The following PKP4 variants were observed in gnomAD, a reference collection of about 807,000 sequenced individuals.
PKP4 encodes plakophilin 4.
Under a neutral mutation model 145.1 loss-of-function variants are expected in PKP4, and 90 were observed. The observed-to-expected ratio is 0.62, with a 90% confidence interval of 0.52 to 0.74. The LOEUF is 0.74. Ranked by LOEUF, PKP4 falls within the 30% of genes least tolerant of loss-of-function variation. The probability of loss-of-function intolerance (pLI) is 0.00; values close to 1 mark genes in which losing one functional copy is unlikely to be tolerated. For synonymous variants in PKP4, 563 were observed against 577.2 expected, an observed-to-expected ratio of 0.98 and a Z score of 0.35; for missense variants, 1,340 against 1,482.7, an observed-to-expected ratio of 0.90 and a Z score of 1.58.
At chr2:158,473,532 T>C (rs1691943512) in intron 1 of PKP4, among the ~76,000 whole-genome samples, 1 of 152,176 alleles carries the variant, frequency 6.6e-6, no homozygotes, top group East Asian at 1.9e-4. Flanking sequence ...CTGGAGGCTA[T>C]TATCCTCAGG....
At chr2:158,609,630 T>G (rs1328451807) in intron 4 of PKP4, among the ~76,000 whole-genome samples, 2 of 152,238 alleles carry the variant, frequency 1.3e-5, no homozygotes, top group Non-Finnish European at 2.9e-5. Flanking sequence ...TTAGGAGCGA[T>G]CCCTGCTTAC....
intron 4 of PKP4, among the ~76,000 whole-genome samples, chr2:158,620,157 T>C (rs2052063158): frequency 1.3e-5 from 2 of 152,106 alleles, no homozygotes; most frequent in South Asian, 4.2e-4. Flanking sequence ...AAGGGTTAAA[T>C]GCAAGGAAGG....
chr2:158,465,420 C>CT (rs1264002599), intron 1 of PKP4, among the ~76,000 whole-genome samples: 1 of 152,146 alleles, frequency 6.6e-6, no homozygotes, highest in Non-Finnish European at 1.5e-5. Context: ...TCTTGAAACA[C>CT]TTTACCATAT....
In PKP4 at chr2:158,621,126, G is replaced by A; in HGVS notation, c.412+5G>A. On this transcript the variant is annotated splice_donor_5th_base_variant and intron_variant, in intron 5 of 21. Coordinates refer to ENST00000389759, the MANE Select transcript of PKP4 (RefSeq NM_003628.6). ...CATCTCTCCATGAAAGTGAGGGTCT[G>A]TTGTGTTATCTTTTAAGTACTGGAT... The A allele has an allele frequency of 1.2e-6, 2 of 1,614,132 alleles. No homozygotes were observed. The highest frequency in any genetic ancestry group is 1.7e-6 in the Non-Finnish European group (2 of 1,179,994).
intron 4 of PKP4, among the ~76,000 whole-genome samples, chr2:158,606,275 C>T (rs1394701565): frequency 6.6e-6 from 1 of 151,852 alleles, no homozygotes; most frequent in Non-Finnish European, 1.5e-5. Context: ...AGAGGCAGAG[C>T]CTGCAATGAG....
intron 1 of PKP4, among the ~76,000 whole-genome samples, chr2:158,511,240 G>C (rs889004841): frequency 6.6e-6 from 1 of 152,164 alleles, no homozygotes; most frequent in Non-Finnish European, 1.5e-5. Flanking sequence ...ACAAAAATTA[G>C]CTGGGCGTGG....
At chr2:158,523,137 A>C (rs939073443) in intron 1 of PKP4, among the ~76,000 whole-genome samples, 7 of 152,278 alleles carry the variant, frequency 4.6e-5, no homozygotes, top group South Asian at 2.1e-4. Context: ...CCACAGCTCA[A>C]GGAGGCCTGC....
intron 9 of PKP4, among the ~76,000 whole-genome samples, chr2:158,637,889 T>G (rs1263206653): frequency 2.0e-5 from 3 of 152,198 alleles, no homozygotes; most frequent in Non-Finnish European, 4.4e-5. Context: ...TTTTCGAGGG[T>G]AAATTTCTAC....
chr2:158,568,497 G>A (rs2047176051), intron 2 of PKP4, among the ~76,000 whole-genome samples: 1 of 152,166 alleles, frequency 6.6e-6, no homozygotes, highest in South Asian at 2.1e-4. Context: ...GAGGAGAGAG[G>A]TGTGTCTGGG....
chr2:158,562,151 T>C (rs1000086495), intron 2 of PKP4, among the ~76,000 whole-genome samples: 4 of 152,196 alleles, frequency 2.6e-5, no homozygotes, highest in Non-Finnish European at 4.4e-5. Context: ...TTTTAAGATA[T>C]GTTTTGTTGC....
intron 11 of PKP4, among the ~76,000 whole-genome samples, chr2:158,657,248 A>T (rs2056068086): frequency 6.6e-6 from 1 of 152,124 alleles, no homozygotes; most frequent in African/African-American, 2.4e-5. Flanking sequence ...ATCATCTCAA[A>T]TTTGCTCCAA....
At chr2:158,573,654 CAA>C (rs56145817) in intron 2 of PKP4, among the ~76,000 whole-genome samples, 77 of 128,070 alleles carry the variant, frequency 6.0e-4, no homozygotes, top group Admixed American at 6.3e-4. Flanking sequence ...AAATGGAAGC[CAA>C]AAAAAAAAAA....
At chr2:158,494,848 A>T (rs1412610585) in intron 1 of PKP4, among the ~76,000 whole-genome samples, 1 of 151,890 alleles carries the variant, frequency 6.6e-6, no homozygotes, top group Non-Finnish European at 1.5e-5. Flanking sequence ...CAAAAACTTT[A>T]ATGAGATGAA....
intron 1 of PKP4, among the ~76,000 whole-genome samples, chr2:158,501,643 A>G (rs756745606): frequency 7.4e-6 from 1 of 135,476 alleles, no homozygotes; most frequent in Admixed American, 8.0e-5. Context: ...CTCCCCTGCC[A>G]TGCCATCTGA....
At chr2:158,474,968 T>C (rs963991582) in intron 1 of PKP4, among the ~76,000 whole-genome samples, 1 of 152,240 alleles carries the variant, frequency 6.6e-6, no homozygotes, top group East Asian at 1.9e-4. Flanking sequence ...TTTTTACTAG[T>C]GTCCAGCATC....
chr2:158,534,360 T>C lies in PKP4; in HGVS notation c.132+1044T>C, dbSNP rs549828452. ...CAAGAAAAATTATTTCAGTTTATTC[T>C]AGTAACAAGATGTCAACATTTTTTT... On this transcript the variant is annotated intron_variant, in intron 2 of 21. Transcript: ENST00000389759. Among the ~76,000 whole-genome samples, 7 of 152,368 alleles carry C rather than the reference T, an allele frequency of 4.6e-5. No homozygotes were observed. The South Asian group carries it at 1.4e-3, about 32-fold the overall frequency.
intron 1 of PKP4, among the ~76,000 whole-genome samples, chr2:158,510,977 A>G (rs1006870739): frequency 8.5e-5 from 13 of 152,210 alleles, no homozygotes; most frequent in African/African-American, 3.1e-4. Flanking sequence ...GTGCAGCTCA[A>G]TTCCTGTTGT....
chr2:158,554,856 T>A (rs2045955879), intron 2 of PKP4, among the ~76,000 whole-genome samples: 2 of 152,056 alleles, frequency 1.3e-5, no homozygotes, highest in Admixed American at 1.3e-4. Context: ...TAGATAAAAA[T>A]CAAAATGCCA....
intron 2 of PKP4, among the ~76,000 whole-genome samples, chr2:158,540,055 A>T (rs972970769): frequency 1.3e-5 from 2 of 152,226 alleles, no homozygotes; most frequent in Non-Finnish European, 2.9e-5. Flanking sequence ...TTAGACTGCC[A>T]AGAGGTAGCT....
Sources: gnomAD v4.1 joint callset for allele counts (sites outside exome capture counted in the v4.1 genomes callset) on GRCh38, gnomAD v4.1.1 for gene constraint, MANE v1.5 for transcripts, NCBI Gene and HGNC (gene_info 2026-07-23, HGNC 2026-07-21) for gene names.